TBXT: variants seen among roughly 807,000 people sequenced by gnomAD.
TBXT encodes the protein T brachyury transcription factor.
TBXT carries 19 observed loss-of-function variants against 41.1 expected under a neutral mutation model. That is an observed-to-expected ratio of 0.46 (90% CI 0.32 to 0.68). The LOEUF (loss-of-function observed/expected upper bound fraction) is 0.68. Among genes scored for constraint, TBXT ranks in the 30% least tolerant of loss-of-function variants. The pLI is 0.03. For synonymous variants in TBXT, 213 were observed against 238.9 expected, an observed-to-expected ratio of 0.89 and a Z score of 1.00; for missense variants, 536 against 582.0, an observed-to-expected ratio of 0.92 and a Z score of 0.81.
chr6:166,164,499 A>G (rs1391206671), intron 5 of TBXT, 106 bp downstream of exon 5: 13 of 1,352,290 alleles, frequency 9.6e-6, no homozygotes, highest in Non-Finnish European at 1.4e-5. Context: ...CTTACATCCC[A>G]GGCACACCCA....
chr6:166,163,154 G>T (rs1779009466), intron 5 of TBXT, among the ~76,000 whole-genome samples: 1 of 152,162 alleles, frequency 6.6e-6, no homozygotes, highest in South Asian at 2.1e-4. Flanking sequence ...TGTAACCACA[G>T]GCAGAGAGCA....
At chr6:166,163,517 G>A (rs1486947554) in intron 5 of TBXT, among the ~76,000 whole-genome samples, 3 of 152,224 alleles carry the variant, frequency 2.0e-5, no homozygotes, top group East Asian at 1.9e-4. Flanking sequence ...CCAAGTAGCT[G>A]GGATTACAGG....
At chr6:166,167,328 C>T (rs1779149842) in intron 1 of TBXT, 58 bp downstream of exon 1, 3 of 1,600,502 alleles carry the variant, frequency 1.9e-6, no homozygotes, top group Non-Finnish European at 2.6e-6. Flanking sequence ...TGCCAGGTCC[C>T]CCAGGCTGCC....
intron 2 of TBXT, among the ~76,000 whole-genome samples, chr6:166,166,371 C>T (rs766346673): frequency 6.6e-6 from 1 of 152,220 alleles, no homozygotes; most frequent in Non-Finnish European, 1.5e-5. Context: ...AAGCTCCAGT[C>T]CTTCAAAGGG....
At chr6:166,168,011 G>T, upstream of TBXT, 1 of 249,728 alleles carries the variant, frequency 4.0e-6, no homozygotes, top group East Asian at 1.1e-4. Context: ...GAGGCCGGGG[G>T]CCAACAATGG....
In TBXT at chr6:166,158,046, G is replaced by C. The variant is rs953306341; in HGVS notation, c.*269C>G. 3 of 584,974 alleles carry C rather than the reference G, an allele frequency of 5.1e-6. No homozygotes were observed. The highest frequency in any genetic ancestry group is 9.1e-6 in the Non-Finnish European group (3 of 330,974). 36.2% of individuals were successfully genotyped at this position (584,974 alleles called of 1,614,324 possible). The stretch of plus-strand genomic sequence containing the variant: ...CCTGGCAAACATTTTTTCACCGTCA[G>C]TGAGGTTGGGCCAACTGCATCATCT... On this transcript the variant is annotated 3_prime_UTR_variant, in exon 8 of 8. Coordinates refer to ENST00000366876, the MANE Select transcript of TBXT (RefSeq NM_001366285.2).
chr6:166,164,601 G>A lies in TBXT; in HGVS notation c.730+4C>T, dbSNP rs569879300. The A allele has an allele frequency of 2.8e-5, 45 of 1,613,828 alleles. No homozygotes were observed. The highest frequency in any genetic ancestry group is 1.1e-4 in the East Asian group (5 of 44,864). ...ATGACATGACAGAGTGCAACAAACCGTACATTGGGAGTACCCAGGTTGCTG... is the reference window on the plus strand; with the variant it reads ...ATGACATGACAGAGTGCAACAAACCATACATTGGGAGTACCCAGGTTGCTG... On this transcript the variant is annotated splice_donor_region_variant and intron_variant, in intron 5 of 7. Coordinates refer to ENST00000366876, the MANE Select transcript of TBXT (RefSeq NM_001366285.2).
chr6:166,165,638 G>C (rs1779085196), intron 3 of TBXT, 68 bp downstream of exon 3: 3 of 1,611,204 alleles, frequency 1.9e-6, no homozygotes, highest in Non-Finnish European at 2.5e-6. Context: ...CGCTCCTCCA[G>C]AATCTCCACG....
chr6:166,165,237 T>C (rs1779074499), intron 3 of TBXT, among the ~76,000 whole-genome samples: 1 of 152,068 alleles, frequency 6.6e-6, no homozygotes, highest in South Asian at 2.1e-4. Flanking sequence ...AATGTCGAAT[T>C]TGCAGTACTT....
chr6:166,166,807 C>T lies in TBXT; in HGVS notation c.256G>A (p.Ala86Thr). 1 of 1,613,856 alleles carries T rather than the reference C, an allele frequency of 6.2e-7. No homozygotes were observed. Among genetic ancestry groups the T allele is most frequent in the South Asian group, 1.1e-5 (1 of 91,084 alleles). The change falls in exon 2 of 8, where the codon GCC becomes ACC. Residue 86 changes from alanine (A) to threonine (T), a missense_variant. Coordinates refer to ENST00000366876, the MANE Select transcript of TBXT (RefSeq NM_001366285.2). ...KVNVSGLDPN[A>T]MYSFLLDFVA... Reference sequence around the variant, plus strand: ...AAGTCCAGCAGGAAGGAGTACATGGCGTTGGGGTCCAGGCCAGACACGTTC... The same window carrying T: ...AAGTCCAGCAGGAAGGAGTACATGGTGTTGGGGTCCAGGCCAGACACGTTC...
chr6:166,165,342 C>CT (rs1017634729), intron 3 of TBXT, among the ~76,000 whole-genome samples: 1 of 151,982 alleles, frequency 6.6e-6, no homozygotes, highest in Non-Finnish European at 1.5e-5. Context: ...GGTTGCCCCC[C>CT]CACCCTTTGG....
upstream of TBXT, chr6:166,167,912 C>T (rs1324701925): frequency 1.1e-5 from 5 of 442,652 alleles, no homozygotes; most frequent in Non-Finnish European, 1.3e-5. Context: ...CTGGGGTGCT[C>T]GGCGGATTGG....
At chr6:166,167,913 G>T (rs1023670732), upstream of TBXT, 8 of 439,736 alleles carry the variant, frequency 1.8e-5, no homozygotes, top group African/African-American at 8.0e-5. Flanking sequence ...TGGGGTGCTC[G>T]GCGGATTGGG....
intron 7 of TBXT, 28 bp from the exon 8 acceptor site, chr6:166,158,616 G>A (rs1231280355): frequency 2.7e-6 from 4 of 1,474,320 alleles, no homozygotes; most frequent in South Asian, 1.4e-5. Flanking sequence ...CAGTGAGCAG[G>A]GCCTGGGCAG....
chr6:166,168,234 G>T (rs1311872569), upstream of TBXT: 1 of 148,570 alleles, frequency 6.7e-6, no homozygotes, highest in East Asian at 2.2e-4. Flanking sequence ...GGCAGCCTGC[G>T]ATGCTCCCTG....
At chr6:166,164,896 C>A (rs371217127) in intron 3 of TBXT, 35 bp from the exon 4 acceptor site, 3 of 1,566,634 alleles carry the variant, frequency 1.9e-6, no homozygotes, top group Non-Finnish European at 2.6e-6. Flanking sequence ...CTAGTATATT[C>A]CCTATTAGCC....
rs1360557039 is a variant in TBXT at position 166,166,781 on chromosome 6, G to C, written c.282C>G (p.Phe94Leu). 1.2e-6 allele frequency: 2 copies of C among 1,613,712 alleles called. No individual in the cohort carries two copies. Among genetic ancestry groups the C allele is most frequent in the African/African-American group, 2.7e-5 (2 of 74,926 alleles). The change falls in exon 2 of 8, where the codon TTC (phenylalanine) becomes TTG (leucine). Residue 94 changes from phenylalanine (F) to leucine (L), a missense_variant. Coordinates refer to ENST00000366876, the MANE Select transcript of TBXT (RefSeq NM_001366285.2). ...PNAMYSFLLD[F>L]VAADNHRWKY... ...TCCAGCGGTGGTTGTCCGCCGCCACGAAGTCCAGCAGGAAGGAGTACATGG... is the reference window on the plus strand; with the variant it reads ...TCCAGCGGTGGTTGTCCGCCGCCACCAAGTCCAGCAGGAAGGAGTACATGG...
Position 166,160,821 on chromosome 6 carries a change from C to A in TBXT, c.1037+16G>T, listed in dbSNP as rs558927877. 6.2e-7 allele frequency: 1 copy of A among 1,613,860 alleles called. No homozygotes were observed. Among genetic ancestry groups the A allele is most frequent in the Non-Finnish European group, 8.5e-7 (1 of 1,180,000 alleles). The stretch of plus-strand genomic sequence containing the variant: ...GCTCCCAGGATGCTTTGCACCAGGT[C>A]CTGGACATACATTACCTGGAGCTGG... On this transcript the variant is annotated intron_variant, in intron 7 of 7. Coordinates refer to ENST00000366876, the MANE Select transcript of TBXT (RefSeq NM_001366285.2).
At position 166,167,670 on chromosome 6, in the gene TBXT, G is replaced by T; in HGVS notation, c.-79C>A. 2 of 1,521,964 alleles carry T rather than the reference G, an allele frequency of 1.3e-6. No individual in the cohort carries two copies. Among genetic ancestry groups the T allele is most frequent in the East Asian group, 2.5e-5 (1 of 40,762 alleles). 94.3% of individuals were successfully genotyped at this position (1,521,964 alleles called of 1,614,324 possible). A position where few individuals can be genotyped will look rare whatever the true frequency, so the allele number is the denominator to read the frequency against. On this transcript the variant is annotated 5_prime_UTR_variant, in exon 1 of 8. Transcript: ENST00000366876. ...AGATCCACCTTCCCTGCTCTTGGCC[G>T]CCGCCCTTCCGAGAAAAGGGGCCCC...
Sources: gnomAD v4.1 joint callset for allele counts (sites outside exome capture counted in the v4.1 genomes callset) on GRCh38, gnomAD v4.1.1 for gene constraint, MANE v1.5 for transcripts, NCBI Gene and HGNC (gene_info 2026-07-23, HGNC 2026-07-21) for gene names.